Variants in SLC1A2 observed in about 807,000 individuals in gnomAD.
The protein encoded by SLC1A2 is excitatory amino acid transporter 2.
SLC1A2 carries 15 observed loss-of-function variants against 48.8 expected under a neutral mutation model. The ratio of observed to expected loss-of-function variants is 0.31; its 90% CI spans 0.21 to 0.47. SLC1A2 has a LOEUF of 0.47. SLC1A2 is among the 20% of genes least tolerant of loss of function. The pLI, the probability that SLC1A2 is intolerant of heterozygous loss-of-function variation, is 0.99. For synonymous variants in SLC1A2, 279 were observed against 272.6 expected, an observed-to-expected ratio of 1.02 and a Z score of -0.23; for missense variants, 502 against 730.5, an observed-to-expected ratio of 0.69 and a Z score of 3.61.
chr11:35,303,751 T>C (rs1253418226), intron 5 of SLC1A2, among the ~76,000 whole-genome samples: 1 of 152,210 alleles, frequency 6.6e-6, no homozygotes, highest in African/African-American at 2.4e-5. Flanking sequence ...ATTTAAGCAG[T>C]TGGGAGAGGG....
chr11:35,346,729 A>G (rs928597969), intron 1 of SLC1A2, among the ~76,000 whole-genome samples: 6 of 152,252 alleles, frequency 3.9e-5, no homozygotes, highest in African/African-American at 7.2e-5. Context: ...CTGAAATCAT[A>G]AAGAAGTCAG....
chr11:35,340,836 T>C (rs554835500), intron 1 of SLC1A2, among the ~76,000 whole-genome samples: 2 of 152,304 alleles, frequency 1.3e-5, no homozygotes, highest in African/African-American at 4.8e-5. Context: ...TTCTCTGGAC[T>C]CTTATGTAAC....
rs567714747 is a variant in SLC1A2 at position 35,288,722 on chromosome 11, C to A, written c.1092-1771G>T. Among the ~76,000 whole-genome samples, 4 of 151,752 alleles carry A rather than the reference C, an allele frequency of 2.6e-5. No homozygotes were observed. The South Asian group carries it at 8.4e-4, about 32-fold the overall frequency. Reference sequence around the variant, plus strand: ...GTAAGTATAAAAATATCCTCTATTTCTCTACTGGACAGGCTTTTTGTCTTA... The same window carrying A: ...GTAAGTATAAAAATATCCTCTATTTATCTACTGGACAGGCTTTTTGTCTTA... On this transcript the variant is annotated intron_variant, in intron 7 of 10. Transcript: ENST00000278379.
At chr11:35,312,115 G>A (rs1851726240) in intron 4 of SLC1A2, 83 bp downstream of exon 4, 2 of 1,378,902 alleles carry the variant, frequency 1.5e-6, no homozygotes, top group Non-Finnish European at 2.0e-6. Flanking sequence ...TCTACCCAGA[G>A]TTGGTCTGTT....
intron 1 of SLC1A2, chr11:35,352,410 G>A (rs906193506): frequency 1.3e-5 from 2 of 152,256 alleles, no homozygotes; most frequent in Non-Finnish European, 2.9e-5. Flanking sequence ...ATTACCAAAA[G>A]CTCTGTGACG....
intron 3 of SLC1A2, among the ~76,000 whole-genome samples, chr11:35,314,805 T>C (rs1165262417): frequency 6.6e-6 from 1 of 151,696 alleles, no homozygotes; most frequent in Non-Finnish European, 1.5e-5. Flanking sequence ...TTTTCTTTTT[T>C]TTGCTGGAGA....
intron 7 of SLC1A2, 79 bp downstream of exon 7, chr11:35,292,208 G>T: frequency 1.0e-6 from 1 of 973,040 alleles, no homozygotes; most frequent in Non-Finnish European, 1.6e-6. Flanking sequence ...CTTTGTGATG[G>T]GAGGGTTTTG....
chr11:35,384,471 C>T (rs773102347), intron 1 of SLC1A2, among the ~76,000 whole-genome samples: 1 of 151,996 alleles, frequency 6.6e-6, no homozygotes, highest in Admixed American at 6.6e-5. Flanking sequence ...TAAGGAAGAC[C>T]CACTCAGAGG....
chr11:35,333,045 T>A (rs1431414567), intron 1 of SLC1A2, among the ~76,000 whole-genome samples: 1 of 152,110 alleles, frequency 6.6e-6, no homozygotes, highest in African/African-American at 2.4e-5. Flanking sequence ...TCATTCCCCA[T>A]CCGCACACAG....
intron 9 of SLC1A2, among the ~76,000 whole-genome samples, chr11:35,270,728 G>T (rs1404145369): frequency 1.3e-5 from 2 of 152,128 alleles, no homozygotes; most frequent in Non-Finnish European, 2.9e-5. Flanking sequence ...GTCTTGAGTT[G>T]GGCCCTAAGG....
rs1950317094 is a variant in SLC1A2, at chr11:35,256,588, C to T, written c.*4306G>A. 1 of 149,182 alleles carries T rather than the reference C, an allele frequency of 6.7e-6. No homozygotes were observed. The highest frequency in any genetic ancestry group is 1.5e-5 in the Non-Finnish European group (1 of 67,142). 9.2% of individuals were successfully genotyped at this position (149,182 alleles called of 1,614,324 possible). On this transcript the variant is annotated 3_prime_UTR_variant, in exon 11 of 11. Transcript: ENST00000278379. ...TTCTTTGACAATTAGACTTACAAAA[C>T]TCACTCCAGAATTCCTTCAGGCTGT...
chr11:35,342,680 G>A (rs900391422), intron 1 of SLC1A2, among the ~76,000 whole-genome samples: 4 of 152,052 alleles, frequency 2.6e-5, no homozygotes, highest in Admixed American at 6.6e-5. Context: ...CAGCACTTTG[G>A]GAAGCCGAGG....
At chr11:35,401,772 A>T (rs1855147535) in intron 1 of SLC1A2, among the ~76,000 whole-genome samples, 1 of 152,036 alleles carries the variant, frequency 6.6e-6, no homozygotes, top group African/African-American at 2.4e-5. Context: ...TCTCAAACTC[A>T]TCTTGGCCTT....
At chr11:35,270,524 C>T (rs1850253046) in intron 9 of SLC1A2, among the ~76,000 whole-genome samples, 1 of 152,200 alleles carries the variant, frequency 6.6e-6, no homozygotes, top group Non-Finnish European at 1.5e-5. Flanking sequence ...TGTAAGGGCA[C>T]TATGCCAATT....
At position 35,259,904 on chromosome 11, in the gene SLC1A2, G is replaced by A. The variant is rs941508935; in HGVS notation, c.*990C>T. The A allele has an allele frequency of 1.3e-5, 2 of 152,188 alleles. No homozygotes were observed. Among genetic ancestry groups the A allele is most frequent in the African/African-American group, 4.8e-5 (2 of 41,442 alleles). The allele number at this position is 152,188 out of a possible 1,614,324, so 9.4% of individuals were successfully genotyped here. On this transcript the variant is annotated 3_prime_UTR_variant, in exon 11 of 11. Coordinates refer to ENST00000278379, the MANE Select transcript of SLC1A2 (RefSeq NM_004171.4). ...CTTCCATGTGTGAGGACAGTAAAATGACCAGGCTTTCTAGGACGATGAGAT... is the reference window on the plus strand; with the variant it reads ...CTTCCATGTGTGAGGACAGTAAAATAACCAGGCTTTCTAGGACGATGAGAT...
intron 6 of SLC1A2, chr11:35,297,842 C>A (rs901974498): frequency 6.6e-6 from 1 of 152,172 alleles, no homozygotes; most frequent in East Asian, 1.9e-4. Context: ...AGACAGTTCC[C>A]AGCACAAAGA....
intron 1 of SLC1A2, among the ~76,000 whole-genome samples, chr11:35,380,913 G>A (rs1854400962): frequency 6.6e-6 from 1 of 152,166 alleles, no homozygotes; most frequent in Admixed American, 6.6e-5. Context: ...TAAAGTTTCA[G>A]GCAATAGAAG....
intron 6 of SLC1A2, 44 bp from the exon 7 acceptor site, chr11:35,292,564 G>T: frequency 7.7e-7 from 1 of 1,295,226 alleles, no homozygotes; most frequent in Non-Finnish European, 1.1e-6. Context: ...GAGATCATTA[G>T]GGATTCAGAA....
chr11:35,255,964 A>G lies in SLC1A2; in HGVS notation c.*4930T>C, dbSNP rs895233794. On this transcript the variant is annotated 3_prime_UTR_variant, in exon 11 of 11. Transcript: ENST00000278379. ...ATTATTCATTATTGTGGGCTACTTC[A>G]ACTTAAAATGTAAATAGGTCACATT... 8 of 152,232 alleles carry G rather than the reference A, an allele frequency of 5.3e-5. No individual in the cohort carries two copies. The highest frequency in any genetic ancestry group is 2.0e-4 in the Admixed American group (3 of 15,278). 9.4% of individuals were successfully genotyped at this position (152,232 alleles called of 1,614,324 possible).
Sources: allele counts gnomAD v4.1 joint callset (sites outside exome capture counted in the v4.1 genomes callset), GRCh38; gene constraint gnomAD v4.1.1; transcripts MANE v1.5; gene names NCBI Gene and HGNC (gene_info 2026-07-23, HGNC 2026-07-21).